ANPEP: variants seen among roughly 807,000 people sequenced by gnomAD.
The protein encoded by ANPEP is aminopeptidase N.
Under a neutral mutation model 114.6 loss-of-function variants are expected in ANPEP, and 70 were observed. The observed-to-expected ratio is 0.61, with a 90% CI of 0.50 to 0.75. ANPEP has a LOEUF of 0.75. ANPEP is among the 30% of genes least tolerant of loss of function. The probability of loss-of-function intolerance (pLI) is 0.00; values close to 1 mark genes in which losing one functional copy is unlikely to be tolerated. For synonymous variants in ANPEP, 548 were observed against 522.3 expected, an observed-to-expected ratio of 1.05 and a Z score of -0.67; for missense variants, 1,184 against 1,259.5, an observed-to-expected ratio of 0.94 and a Z score of 0.91.
At chr15:89,791,789 CAT>C (rs1968632646) in intron 18 of ANPEP, among the ~76,000 whole-genome samples, 2 of 151,942 alleles carry the variant, frequency 1.3e-5, no homozygotes, top group South Asian at 4.1e-4. Flanking sequence ...CAGGTAATGG[CAT>C]ATGAGGCACA....
At chr15:89,800,267 C>G (rs1894560689) in intron 12 of ANPEP, among the ~76,000 whole-genome samples, 1 of 152,214 alleles carries the variant, frequency 6.6e-6, no homozygotes, top group East Asian at 1.9e-4. Flanking sequence ...TACTCTTCCT[C>G]TAAGACTCAG....
intron 1 of ANPEP, among the ~76,000 whole-genome samples, chr15:89,813,545 G>A (rs1894852405): frequency 6.6e-6 from 1 of 152,154 alleles, no homozygotes; most frequent in Non-Finnish European, 1.5e-5. Flanking sequence ...CCACAGGAAG[G>A]TGGCTGAGAG....
chr15:89,805,887 C>T, intron 2 of ANPEP, 83 bp downstream of exon 2: 1 of 1,515,490 alleles, frequency 6.6e-7, no homozygotes, highest in Non-Finnish European at 8.9e-7. Context: ...GGCCTGCAAG[C>T]TAAGTCCTTC....
Position 89,797,784 on chromosome 15 carries a change from A to G in ANPEP, c.2010-62T>C. On this transcript the variant is annotated intron_variant, in intron 14 of 20. Transcript: ENST00000300060. ...CACCCAGCCCAGCCACAGCCTGGGA[A>G]CCCCAACCCAGGCCCTCAAAGATGC... 2.5e-6 allele frequency: 4 copies of G among 1,602,768 alleles called. No individual in the cohort carries two copies. The South Asian group carries it at 3.3e-5, about 13-fold the overall frequency.
rs76564627 is a variant in ANPEP at position 89,795,684 on chromosome 15, C to T, written c.2157+1891G>A. ...CTTGAAACTTCTAAACTCAGCTGAACGCTCAATCCAGTGTGAGAGTGGAAT... is the reference window on the plus strand; with the variant it reads ...CTTGAAACTTCTAAACTCAGCTGAATGCTCAATCCAGTGTGAGAGTGGAAT... On this transcript the variant is annotated intron_variant, in intron 15 of 20. Transcript: ENST00000300060. Among the ~76,000 whole-genome samples the T allele has an allele frequency of 2.3e-3, 348 of 152,296 alleles. 9 individuals carry two copies. The East Asian group carries it at 0.059, about 26-fold the overall frequency.
intron 1 of ANPEP, among the ~76,000 whole-genome samples, chr15:89,807,861 T>C (rs1596171281): frequency 6.6e-6 from 1 of 152,202 alleles, no homozygotes; most frequent in East Asian, 1.9e-4. Context: ...CAGCCCAGTT[T>C]CTCAGACCTC....
rs1555442977 is a variant in ANPEP at position 89,814,001 on chromosome 15, GGGT to G, written c.-224+768_-224+770del. Among the ~76,000 whole-genome samples the G allele has an allele frequency of 5.0e-3, 753 of 151,604 alleles. 33 individuals are homozygous for G. The highest frequency in any genetic ancestry group is 0.017 in the African/African-American group (712 of 41,036). On this transcript the variant is annotated intron_variant, in intron 1 of 20. Transcript: ENST00000300060. ...TGCCCACCGCACTGCTGGGGGGGGG[GGGT>G]GCGTTCTGGAGTCATTTGGGGAAAG...
chr15:89,793,074 G>A lies in ANPEP; in HGVS notation c.2210C>T (p.Thr737Ile), dbSNP rs1239493191. ...TPLFIHFRNN[T>I]NNWREIPENL... ...TTCTGGGATCTCCCTCCAGTTGTTG[G>A]TATTATTTCTGAAGTGAATGAAGAG... Residue 737 changes from threonine (T) to isoleucine (I), a missense_variant, in exon 16 of 21, where the codon ACC (threonine) becomes ATC (isoleucine). Coordinates refer to ENST00000300060, the MANE Select transcript of ANPEP (RefSeq NM_001150.3). The A allele has an allele frequency of 6.2e-7, 1 of 1,614,128 alleles. No individual in the cohort carries two copies. The highest frequency in any genetic ancestry group is 1.7e-5 in the Admixed American group (1 of 60,024).
chr15:89,809,649 C>T (rs1413453822), intron 1 of ANPEP, among the ~76,000 whole-genome samples: 1 of 152,238 alleles, frequency 6.6e-6, no homozygotes, highest in African/African-American at 2.4e-5. Context: ...ACCTCCACAC[C>T]CCATCGGGCA....
intron 15 of ANPEP, 180 bp from the exon 16 acceptor site, chr15:89,793,306 A>C (rs1968668144): frequency 1.9e-6 from 1 of 539,260 alleles, no homozygotes; most frequent in African/African-American, 1.9e-5. Context: ...AACTGAGCTG[A>C]GTTTCTTTCT....
intron 1 of ANPEP, among the ~76,000 whole-genome samples, chr15:89,808,383 C>G (rs1248606270): frequency 6.6e-6 from 1 of 152,230 alleles, no homozygotes; most frequent in Non-Finnish European, 1.5e-5. Flanking sequence ...GTGGTTTTCC[C>G]TTTGATCTGT....
intron 20 of ANPEP, among the ~76,000 whole-genome samples, chr15:89,789,166 G>T (rs1008485165): frequency 6.6e-6 from 1 of 151,666 alleles, no homozygotes; most frequent in Admixed American, 6.6e-5. Context: ...TTTTAGTAGA[G>T]ACAGGGTTTC....
chr15:89,791,027 G>A lies in ANPEP; in HGVS notation c.2595C>T (p.Ser865=), dbSNP rs1968612845. 1 of 1,614,232 alleles carries A rather than the reference G, an allele frequency of 6.2e-7. No homozygotes were observed. ...CTTGCCCAATGACGTTGTTGGTAATGCTGATGATGGTAGAGGTGGCGTCCT... is the reference window on the plus strand; with the variant it reads ...CTTGCCCAATGACGTTGTTGGTAATACTGATGATGGTAGAGGTGGCGTCCT... ...RKQDATSTII[S]ITNNVIGQGL... The change falls in exon 19 of 21, where the codon AGC becomes AGT. Residue 865 remains serine, a synonymous_variant. Transcript: ENST00000300060.
Position 89,793,051 on chromosome 15 carries a change from C to G in ANPEP, c.2233G>C (p.Glu745Gln). 1 of 1,614,146 alleles carries G rather than the reference C, an allele frequency of 6.2e-7. No homozygotes were observed. Among genetic ancestry groups the G allele is most frequent in the East Asian group, 2.2e-5 (1 of 44,876 alleles). ...NNTNNWREIP[E>Q]NLMDQYSEVN... ...CCCACTCACTGGTCCATCAGGTTTT[C>G]TGGGATCTCCCTCCAGTTGTTGGTA... Residue 745 changes from glutamate to glutamine, a missense_variant, in exon 16 of 21, where the codon GAA (glutamate) becomes CAA (glutamine). Physicochemically the swap from Glu to Gln is conservative, Grantham distance 29 (BLOSUM62 2). Coordinates refer to ENST00000300060, the MANE Select transcript of ANPEP (RefSeq NM_001150.3).
intron 14 of ANPEP, among the ~76,000 whole-genome samples, chr15:89,798,811 A>G (rs1011169139): frequency 3.9e-5 from 6 of 152,246 alleles, no homozygotes; most frequent in South Asian, 4.1e-4. Context: ...ATGGTGGTGC[A>G]CACCTGTAAT....
At chr15:89,790,708 C>T (rs1968604196) in intron 19 of ANPEP, among the ~76,000 whole-genome samples, 167 bp from the exon 20 acceptor site, 2 of 152,180 alleles carry the variant, frequency 1.3e-5, no homozygotes, top group South Asian at 4.1e-4. Flanking sequence ...GGTCTGACTG[C>T]CGAGTTCCTC....
Position 89,806,821 on chromosome 15 carries a change from C to T in ANPEP, c.-223-15G>A, listed in dbSNP as rs1249621028. On this transcript the variant is annotated splice_polypyrimidine_tract_variant and intron_variant, in intron 1 of 20. Transcript: ENST00000300060. The surrounding 1 kb of genome is among the most constrained non-coding windows in gnomAD (Gnocchi z 5.7). ...TCGGGGGGTGCCTGCTGGAAGCAAACAGTGTCTGGTTACAGGCTGCAGGCG... is the reference window on the plus strand; with the variant it reads ...TCGGGGGGTGCCTGCTGGAAGCAAATAGTGTCTGGTTACAGGCTGCAGGCG... The T allele has an allele frequency of 3.4e-6, 2 of 580,318 alleles. No homozygotes were observed. The highest frequency in any genetic ancestry group is 5.8e-6 in the Non-Finnish European group (2 of 346,242). 35.9% of individuals were successfully genotyped at this position (580,318 alleles called of 1,614,324 possible).
intron 20 of ANPEP, among the ~76,000 whole-genome samples, chr15:89,787,810 A>T (rs1190344077): frequency 6.6e-6 from 1 of 152,220 alleles, no homozygotes; most frequent in Non-Finnish European, 1.5e-5. Context: ...GAAAAGAAAA[A>T]TAGTCAGTTT....
intron 15 of ANPEP, among the ~76,000 whole-genome samples, chr15:89,796,290 A>G (rs1277359210): frequency 1.3e-5 from 2 of 152,262 alleles, no homozygotes; most frequent in East Asian, 1.9e-4. Flanking sequence ...ACATAAACAT[A>G]GTGCTCTACA....
Sources: gnomAD v4.1 joint callset for allele counts (sites outside exome capture counted in the v4.1 genomes callset) on GRCh38, gnomAD v4.1.1 for gene constraint, Gnocchi (gnomAD v3.1) non-coding constraint, MANE v1.5 for transcripts, NCBI Gene and HGNC (gene_info 2026-07-23, HGNC 2026-07-21) for gene names.